Variants in MRE11 observed in about 807,000 individuals in gnomAD.
The protein encoded by MRE11 is double-strand break repair protein MRE11.
In MRE11, 62 loss-of-function variants were observed where a neutral mutation model predicts 91.7. That is an observed-to-expected ratio of 0.68 (90% CI 0.55 to 0.84). MRE11 has a LOEUF of 0.84. Among genes scored for constraint, MRE11 ranks in the 40% least tolerant of loss-of-function variants. MRE11 has a pLI of 0.00. For missense variants in MRE11, 796 were observed against 852.9 expected (o/e 0.93, Z 0.83); for synonymous variants, 273 against 271.4 (o/e 1.01, Z -0.06).
chr11:94,485,820 G>A, intron 4 of MRE11, 104 bp downstream of exon 4: 1 of 1,078,066 alleles, frequency 9.3e-7, no homozygotes. Context: ...TATTTACTAA[G>A]AAAATAGCTT....
chr11:94,457,867 T>G (rs1450598663), intron 13 of MRE11, among the ~76,000 whole-genome samples: 1 of 96,436 alleles, frequency 1.0e-5, no homozygotes, highest in Non-Finnish European at 2.1e-5. Context: ...TCTCTTTCTC[T>G]CTCTCCCTCT....
chr11:94,418,930 A>G lies in MRE11; in HGVS notation c.*1195T>C, dbSNP rs1272751458. On this transcript the variant is annotated 3_prime_UTR_variant, in exon 20 of 20. Transcript: ENST00000323929. Reference sequence around the variant, plus strand: ...GACACATTCCAGGTATGACTATTCTAATGGTCATGAGTATCACTGAGTCAA... The same window carrying G: ...GACACATTCCAGGTATGACTATTCTGATGGTCATGAGTATCACTGAGTCAA... The G allele has an allele frequency of 4.3e-6, 1 of 230,888 alleles. No homozygotes were observed. The highest frequency in any genetic ancestry group is 8.6e-6 in the Non-Finnish European group (1 of 116,618). 14.3% of individuals were successfully genotyped at this position (230,888 alleles called of 1,614,324 possible).
chr11:94,493,016 T>A (rs1947331677), intron 1 of MRE11, 110 bp from the exon 2 acceptor site: 2 of 572,756 alleles, frequency 3.5e-6, no homozygotes, highest in Non-Finnish European at 6.2e-6. Flanking sequence ...CTGGCAAATT[T>A]AGAAGTCTCA....
intron 18 of MRE11, among the ~76,000 whole-genome samples, chr11:94,431,365 C>T (rs932716794): frequency 6.6e-6 from 1 of 152,174 alleles, no homozygotes; most frequent in African/African-American, 2.4e-5. Flanking sequence ...AAACACCATG[C>T]ATAACCTGCA....
chr11:94,473,981 C>T (rs78693041), intron 7 of MRE11, among the ~76,000 whole-genome samples: 1,591 of 152,124 alleles, frequency 0.01, 31 homozygotes, highest in African/African-American at 0.036. Flanking sequence ...TAGAATCAGT[C>T]TGAACTTATC....
intron 13 of MRE11, among the ~76,000 whole-genome samples, chr11:94,458,431 T>C (rs1394410616): frequency 1.3e-5 from 2 of 152,192 alleles, no homozygotes; most frequent in African/African-American, 2.4e-5. Flanking sequence ...TCTTCTCATG[T>C]TCTTCTTCCA....
chr11:94,440,865 G>A (rs1446403339), intron 16 of MRE11, among the ~76,000 whole-genome samples: 1 of 152,116 alleles, frequency 6.6e-6, no homozygotes, highest in Non-Finnish European at 1.5e-5. Context: ...CTCCCTAAAA[G>A]GGGAGTTCAT....
At chr11:94,470,710 C>T in intron 8 of MRE11, 68 bp from the exon 9 acceptor site, 3 of 1,489,738 alleles carry the variant, frequency 2.0e-6, no homozygotes, top group Admixed American at 1.7e-5. Context: ...CAAACGAAAG[C>T]TTTCATATTT....
chr11:94,451,616 G>T (rs150449117), intron 14 of MRE11, among the ~76,000 whole-genome samples: 1 of 152,048 alleles, frequency 6.6e-6, no homozygotes, highest in African/African-American at 2.4e-5. Flanking sequence ...CATTACCAGG[G>T]GGTAATGGAT....
chr11:94,490,085 C>T (rs1168622788), intron 3 of MRE11, among the ~76,000 whole-genome samples: 1 of 152,184 alleles, frequency 6.6e-6, no homozygotes, highest in African/African-American at 2.4e-5. Context: ...GTCTCCAATT[C>T]ATGGTATTAT....
chr11:94,453,902 T>G (rs1227532940), intron 14 of MRE11, among the ~76,000 whole-genome samples: 3 of 152,086 alleles, frequency 2.0e-5, no homozygotes, highest in Admixed American at 6.6e-5. Flanking sequence ...GAATAGTTTT[T>G]ATATTTTTAA....
At chr11:94,498,743 ATTTT>A, upstream of MRE11, 1 of 568,156 alleles carries the variant, frequency 1.8e-6, no homozygotes, top group East Asian at 3.0e-5. Context: ...GGAGTTTGTG[ATTTT>A]TTTATCAGAA....
At position 94,432,018 on chromosome 11, in the gene MRE11, G is replaced by T. The variant is rs79798145; in HGVS notation, c.1995-2032C>A. On this transcript the variant is annotated intron_variant, in intron 18 of 19. Coordinates refer to ENST00000323929, the MANE Select transcript of MRE11 (RefSeq NM_005591.4). ...ATTTGTGTGTGCTTCAATTTACAAAGACAAGAACAACCAAACAAGGACTCA... is the reference window on the plus strand; with the variant it reads ...ATTTGTGTGTGCTTCAATTTACAAATACAAGAACAACCAAACAAGGACTCA... Among the ~76,000 whole-genome samples the T allele has an allele frequency of 4.2e-3, 629 of 151,182 alleles. 5 individuals carry two copies. Among genetic ancestry groups the T allele is most frequent in the Non-Finnish European group, 7.2e-3 (488 of 67,876 alleles).
At chr11:94,468,826 T>C (rs1423084797) in intron 9 of MRE11, among the ~76,000 whole-genome samples, 1 of 2,156 alleles carries the variant, frequency 4.6e-4, no homozygotes, top group Non-Finnish European at 8.0e-4. Context: ...ATGTAAATAA[T>C]TAAATGTAAA....
chr11:94,444,059 G>A (rs879935616), intron 16 of MRE11, among the ~76,000 whole-genome samples: 17 of 150,868 alleles, frequency 1.1e-4, no homozygotes, highest in Non-Finnish European at 1.5e-4. Context: ...GGTGCACGCC[G>A]CCCTGCCTGG....
At chr11:94,456,190 GGACT>G in intron 14 of MRE11, 82 bp downstream of exon 14, 1 of 1,285,816 alleles carries the variant, frequency 7.8e-7, no homozygotes, top group South Asian at 1.2e-5. Flanking sequence ...CTAGACCTAT[GGACT>G]GACTATTCTA....
intron 16 of MRE11, among the ~76,000 whole-genome samples, chr11:94,438,129 A>AAAAAC (rs373325204): frequency 0.012 from 1,804 of 152,138 alleles, 41 homozygotes; most frequent in African/African-American, 0.038. Flanking sequence ...CTCCGTCTCA[A>AAAAAC]AAAACAAAAC....
intron 13 of MRE11, among the ~76,000 whole-genome samples, chr11:94,458,557 ACACAAAT>A (rs1331659751): frequency 6.6e-6 from 1 of 152,162 alleles, no homozygotes; most frequent in Non-Finnish European, 1.5e-5. Flanking sequence ...ATCACTCCAT[ACACAAAT>A]CTCTACCTCA....
chr11:94,471,479 T>C, intron 8 of MRE11, 95 bp downstream of exon 8: 8 of 1,122,790 alleles, frequency 7.1e-6, no homozygotes, highest in South Asian at 6.5e-5. Context: ...TACTGCCAGT[T>C]AGCGGTAACC....
Sources: gnomAD v4.1 joint callset for allele counts (sites outside exome capture counted in the v4.1 genomes callset) on GRCh38, gnomAD v4.1.1 for gene constraint, MANE v1.5 for transcripts, NCBI Gene and HGNC (gene_info 2026-07-23, HGNC 2026-07-21) for gene names.